Variants in BRSK2 observed in about 807,000 individuals in gnomAD.
The protein encoded by BRSK2 is BR serine/threonine kinase 2.
Under a neutral mutation model 83.3 loss-of-function variants are expected in BRSK2, and 19 were observed. The ratio of observed to expected loss-of-function variants is 0.23; its 90% CI spans 0.16 to 0.33. The LOEUF is 0.33. Ranked by LOEUF, BRSK2 falls within the 10% of genes least tolerant of loss-of-function variation. The pLI is 1.00. For missense variants in BRSK2, 798 were observed against 1,042.3 expected, an observed-to-expected ratio of 0.77 and a Z score of 3.23; for synonymous variants, 519 against 435.4, an observed-to-expected ratio of 1.19 and a Z score of -2.39.
intron 1 of BRSK2, among the ~76,000 whole-genome samples, chr11:1,394,641 G>A (rs1214072516): frequency 8.5e-6 from 1 of 117,078 alleles, no homozygotes; most frequent in Non-Finnish European, 1.8e-5. Context: ...CCTGGAGATG[G>A]GCCATGGAGA....
intron 1 of BRSK2, among the ~76,000 whole-genome samples, chr11:1,417,313 A>G (rs1222457351): frequency 6.6e-6 from 1 of 152,350 alleles, no homozygotes; most frequent in African/African-American, 2.4e-5. Flanking sequence ...GGTGCTTGTC[A>G]GGATAGTTTC....
chr11:1,405,874 AC>A (rs2134077317), intron 1 of BRSK2, among the ~76,000 whole-genome samples: 1 of 150,774 alleles, frequency 6.6e-6, no homozygotes, highest in African/African-American at 2.4e-5. Context: ...CAGGCCCCAC[AC>A]CCCTTGCCGA....
At chr11:1,391,626 A>G (rs1845738628) in intron 1 of BRSK2, among the ~76,000 whole-genome samples, 1 of 152,184 alleles carries the variant, frequency 6.6e-6, no homozygotes, top group African/African-American at 2.4e-5. Flanking sequence ...GGACCTGGGC[A>G]GGTGGGGTGG....
At chr11:1,410,704 C>A in intron 1 of BRSK2, 1 of 985,420 alleles carries the variant, frequency 1.0e-6, no homozygotes, top group Non-Finnish European at 1.2e-6. Context: ...CAGGAGCCCC[C>A]GCCTGCCTAG....
chr11:1,439,654 C>T (rs893639097), intron 3 of BRSK2, among the ~76,000 whole-genome samples: 3 of 152,000 alleles, frequency 2.0e-5, no homozygotes. Context: ...GGGTGTTGTC[C>T]CACCCCCTCT....
chr11:1,419,387 T>C lies in BRSK2; in HGVS notation c.92-16653T>C, dbSNP rs952591256. On this transcript the variant is annotated intron_variant, in intron 1 of 19. Coordinates refer to ENST00000528841, the MANE Select transcript of BRSK2 (RefSeq NM_001256627.2). ...TGGCTGCCCGGGCAGCTCCAAATAC[T>C]GAGCTGTCAGGTCGGTGGTCTCTCT... Among the ~76,000 whole-genome samples, 4 of 152,356 alleles carry C rather than the reference T, an allele frequency of 2.6e-5. No homozygotes were observed. The East Asian group carries it at 7.7e-4, about 29-fold the overall frequency.
At chr11:1,411,344 AG>A (rs1305019198) in intron 1 of BRSK2, 1 of 1,406,756 alleles carries the variant, frequency 7.1e-7, no homozygotes, top group Non-Finnish European at 9.2e-7. Context: ...CAGGGGGCAC[AG>A]TTCTGCCCCA....
rs398015179 is a variant in BRSK2, at chr11:1,460,461, C to CTTTTTTTTTTTTTTT, written c.1988-36_1988-22dup. ...CTCTCCCCCTTTTTTTTCTTTTTTC[C>CTTTTTTTTTTTTTTT]TTTTTTTTTTTTTTTTTGTCTCTGT... On this transcript the variant is annotated intron_variant, in intron 19 of 19. Transcript: ENST00000528841. 12 of 544,456 alleles carry CTTTTTTTTTTTTTTT rather than the reference C, an allele frequency of 2.2e-5. 1 individual carries two copies. The highest frequency in any genetic ancestry group is 9.8e-5 in the Admixed American group (1 of 10,194). The allele number at this position is 544,456 out of a possible 1,614,324, so 33.7% of individuals were successfully genotyped here.
At chr11:1,446,689 C>T (rs1271715792) in intron 12 of BRSK2, among the ~76,000 whole-genome samples, 10 of 152,232 alleles carry the variant, frequency 6.6e-5, no homozygotes, top group Non-Finnish European at 4.4e-5. Context: ...CTGGGCTGCC[C>T]GCACGAGGCC....
chr11:1,408,428 GC>G (rs1847066828), intron 1 of BRSK2, among the ~76,000 whole-genome samples: 4 of 152,182 alleles, frequency 2.6e-5, no homozygotes, highest in Admixed American at 2.6e-4. Flanking sequence ...TGGGGAGAAG[GC>G]TGTATGGGGT....
chr11:1,399,270 C>G (rs1484268942), intron 1 of BRSK2, among the ~76,000 whole-genome samples: 1 of 152,116 alleles, frequency 6.6e-6, no homozygotes, highest in Non-Finnish European at 1.5e-5. Flanking sequence ...CGCAGTTTCC[C>G]TATCTGTGAA....
At chr11:1,406,182 T>C (rs577374672) in intron 1 of BRSK2, among the ~76,000 whole-genome samples, 1 of 152,294 alleles carries the variant, frequency 6.6e-6, no homozygotes, top group East Asian at 1.9e-4. Flanking sequence ...TCTTAGGAGA[T>C]AAACTGGGCC....
At chr11:1,409,350 A>G (rs1847172762) in intron 1 of BRSK2, 1 of 152,194 alleles carries the variant, frequency 6.6e-6, no homozygotes, top group Non-Finnish European at 1.5e-5. Flanking sequence ...CACAGGTGTT[A>G]GTCATCTGTG....
At chr11:1,410,797 C>G (rs924806027) in intron 1 of BRSK2, 1 of 985,318 alleles carries the variant, frequency 1.0e-6, no homozygotes, top group African/African-American at 1.7e-5. Context: ...CAGGTGGCCC[C>G]CCCGCCACCC....
chr11:1,459,662 T>C (rs1314827458), intron 19 of BRSK2, among the ~76,000 whole-genome samples: 1 of 152,026 alleles, frequency 6.6e-6, no homozygotes, highest in Non-Finnish European at 1.5e-5. Context: ...GCTTAGGAAG[T>C]GGGATTGAGG....
intron 1 of BRSK2, chr11:1,411,626 C>T: frequency 6.4e-7 from 1 of 1,552,576 alleles, no homozygotes; most frequent in South Asian, 1.2e-5. Context: ...TGCAGCCCAG[C>T]CCAGCAGGTG....
chr11:1,443,305 C>T (rs1590592649), intron 6 of BRSK2, 30 bp from the exon 7 acceptor site: 1 of 1,591,282 alleles, frequency 6.3e-7, no homozygotes, highest in East Asian at 2.3e-5. Context: ...GCCCTGCGCC[C>T]CCCAACAGCC....
intron 1 of BRSK2, among the ~76,000 whole-genome samples, chr11:1,426,137 T>C (rs1315822107): frequency 6.6e-6 from 1 of 152,152 alleles, no homozygotes; most frequent in African/African-American, 2.4e-5. Flanking sequence ...CCTTGGGTGC[T>C]CTGGGCACCC....
chr11:1,393,250 C>T (rs1444040308), intron 1 of BRSK2, among the ~76,000 whole-genome samples: 1 of 135,916 alleles, frequency 7.4e-6, no homozygotes, highest in Non-Finnish European at 1.6e-5. Context: ...TCCCTGCGCG[C>T]CTTTGTCCCT....
Sources: gnomAD v4.1 joint callset for allele counts (sites outside exome capture counted in the v4.1 genomes callset) on GRCh38, gnomAD v4.1.1 for gene constraint, MANE v1.5 for transcripts, NCBI Gene and HGNC (gene_info 2026-07-23, HGNC 2026-07-21) for gene names.